Variants in UMOD observed in about 807,000 individuals in gnomAD.
The protein encoded by UMOD is uromodulin.
In UMOD, 64 loss-of-function variants were observed where a neutral mutation model predicts 66.0. The observed-to-expected ratio is 0.97, with a 90% CI of 0.79 to 1.19. The LOEUF (loss-of-function observed/expected upper bound fraction) is 1.19. Ranked by LOEUF, UMOD falls within the 50% of genes most tolerant of loss-of-function variation. The pLI, the probability that UMOD is intolerant of heterozygous loss-of-function variation, is 0.00. For synonymous variants in UMOD, 398 were observed against 352.7 expected (o/e 1.13, Z -1.44); for missense variants, 764 against 850.9 (o/e 0.90, Z 1.27).
chr16:20,341,687 C>T (rs755432085), intron 6 of UMOD, among the ~76,000 whole-genome samples: 1 of 151,734 alleles, frequency 6.6e-6, no homozygotes, highest in Non-Finnish European at 1.5e-5. Context: ...TTTGCTACCC[C>T]TGTAGCTTTC....
chr16:20,339,738 T>C (rs1451699036), intron 7 of UMOD, among the ~76,000 whole-genome samples: 2 of 152,250 alleles, frequency 1.3e-5, no homozygotes, highest in Admixed American at 6.5e-5. Flanking sequence ...TAACATACTA[T>C]ATATTTCACT....
chr16:20,348,299 C>A lies in UMOD; in HGVS notation c.897G>T (p.Glu299Asp), dbSNP rs768815891. 6.2e-7 allele frequency: 1 copy of A among 1,614,128 alleles called. No homozygotes were observed. The highest frequency in any genetic ancestry group is 8.5e-7 in the Non-Finnish European group (1 of 1,180,050). ...DPSSVEGTCE[E>D]CSIDEDCKSN... ...ATTTGCAGTCCTCGTCTATACTGCA[C>A]TCCTCACACGTCCCCTCCACGGAGC... The change falls in exon 4 of 11, where the codon GAG (glutamate) becomes GAT (aspartate). Residue 299 changes from glutamate (E) to aspartate (D), a missense_variant. Transcript: ENST00000396138.
intron 1 of UMOD, chr16:20,351,049 A>G (rs894477291): frequency 3.8e-5 from 16 of 418,156 alleles, no homozygotes; most frequent in East Asian, 1.6e-4. Context: ...TGGCTCCCCA[A>G]TTCTCAGCAC....
chr16:20,336,541 T>C, intron 9 of UMOD, 105 bp downstream of exon 9: 1 of 1,086,514 alleles, frequency 9.2e-7, no homozygotes. Flanking sequence ...TGCTCCCAGT[T>C]CTTCAGAGCT....
chr16:20,349,012 C>T lies in UMOD; in HGVS notation c.289G>A (p.Gly97Ser), dbSNP rs774170447. The T allele has an allele frequency of 1.9e-6, 3 of 1,585,440 alleles. No individual in the cohort carries two copies. The South Asian group carries it at 3.4e-5, about 18-fold the overall frequency. Residue 97 changes from glycine (G) to serine (S), a missense_variant, in exon 3 of 11, where the codon GGC becomes AGC. Coordinates refer to ENST00000396138, the MANE Select transcript of UMOD (RefSeq NM_003361.4). Reference sequence around the variant, plus strand: ...CCGAGACCGGGCGACAGGCGGAAGCCTTCGGGGCAGACGCAGGAGAAGGAG... The same window carrying T: ...CCGAGACCGGGCGACAGGCGGAAGCTTTCGGGGCAGACGCAGGAGAAGGAG... ...PGSFSCVCPEGFRLSPGLGCT... is the reference protein window; with the variant it reads ...PGSFSCVCPESFRLSPGLGCT...
upstream of UMOD, among the ~76,000 whole-genome samples, chr16:20,353,545 T>C (rs1318292230): frequency 6.6e-6 from 1 of 152,214 alleles, no homozygotes; most frequent in Non-Finnish European, 1.5e-5. Context: ...GTAATGATTA[T>C]ATTCATGGAA....
At chr16:20,343,129 C>CAATAAATAAATAAATAAATA (rs147846395) in intron 6 of UMOD, among the ~76,000 whole-genome samples, 40 of 115,916 alleles carry the variant, frequency 3.5e-4, no homozygotes, top group African/African-American at 5.7e-4. Flanking sequence ...GACTCCGTCT[C>CAATAAATAAATAAATAAATA]AATAAATAAA....
At chr16:20,346,383 C>G in intron 4 of UMOD, 49 bp from the exon 5 acceptor site, 1 of 1,594,272 alleles carries the variant, frequency 6.3e-7, no homozygotes, top group South Asian at 1.1e-5. Flanking sequence ...AGCTTGGGGG[C>G]CCAGCACATC....
rs1363824647 is a variant in UMOD, at chr16:20,346,278, G to C, written c.1030C>G (p.Leu344Val). The C allele has an allele frequency of 6.2e-7, 1 of 1,614,274 alleles. No individual in the cohort carries two copies. The highest frequency in any genetic ancestry group is 8.5e-7 in the Non-Finnish European group (1 of 1,180,056). The change falls in exon 5 of 11, where the codon CTG (leucine) becomes GTG (valine). Residue 344 changes from leucine (L) to valine (V), a missense_variant. Transcript: ENST00000396138. The part of the protein sequence containing the change: ...ECGANDMKVS[L>V]GKCQLKSLGF... ...AGACTCTTCAGCTGGCACTTGCCCA[G>C]CGACACCTTCATGTCATTGGCCCCA...
chr16:20,347,815 A>G (rs1288632725), intron 4 of UMOD, among the ~76,000 whole-genome samples: 1 of 152,198 alleles, frequency 6.6e-6, no homozygotes, highest in East Asian at 1.9e-4. Flanking sequence ...GGCCCGGAGT[A>G]CTGAGCTGAT....
chr16:20,344,089 G>A lies in UMOD; in HGVS notation c.1266C>T (p.Asn422=), dbSNP rs1334579001. Residue 422 remains asparagine, a synonymous_variant, in exon 6 of 11, where the codon AAC becomes AAT. Transcript: ENST00000396138. ...IIIRDLNIKI[N]FACSYPLDMK... ...TGTCCAGGGGGTAGGAGCATGCAAA[G>A]TTGATTTTGATGTTGAGGTCACGGA... The A allele has an allele frequency of 1.3e-6, 2 of 1,586,824 alleles. No individual in the cohort carries two copies. Among genetic ancestry groups the A allele is most frequent in the African/African-American group, 1.4e-5 (1 of 73,906 alleles).
At chr16:20,344,204 G>T in intron 5 of UMOD, 32 bp from the exon 6 acceptor site, 1 of 1,548,410 alleles carries the variant, frequency 6.5e-7, no homozygotes, top group South Asian at 1.1e-5. Context: ...GAGGGGGGGT[G>T]GGGATGAGAG....
intron 7 of UMOD, among the ~76,000 whole-genome samples, chr16:20,340,194 C>T (rs1247220243): frequency 6.6e-6 from 1 of 151,978 alleles, no homozygotes; most frequent in African/African-American, 2.4e-5. Flanking sequence ...TAAATTGAAG[C>T]ACCATTCTCA....
chr16:20,342,485 A>G (rs539877001), intron 6 of UMOD: 3 of 152,410 alleles, frequency 2.0e-5, no homozygotes, highest in Admixed American at 6.5e-5. Context: ...ACAGCTTGCA[A>G]TGAGCACTCT....
chr16:20,340,713 A>G (rs1445097338), intron 7 of UMOD, among the ~76,000 whole-genome samples: 1 of 151,892 alleles, frequency 6.6e-6, no homozygotes, highest in Non-Finnish European at 1.5e-5. Context: ...GCAATTTTTC[A>G]GCCAGGCGTG....
chr16:20,348,871 C>A lies in UMOD; in HGVS notation c.430G>T (p.Asp144Tyr). The change falls in exon 3 of 11, where the codon GAT becomes TAT. Residue 144 changes from aspartate to tyrosine, a missense_variant. By Grantham distance (160) the Asp-to-Tyr change is radical. Transcript: ENST00000396138. ...GGGGAGCACTCACAGTGCCATCCAT[C>A]CCCCCGGTAGCCCGCGGGGCATACG... Reference protein sequence around the residue: ...LCVCPAGYRGDGWHCECSPGS... With the variant: ...LCVCPAGYRGYGWHCECSPGS... The A allele has an allele frequency of 6.5e-7, 1 of 1,549,588 alleles. No homozygotes were observed. Among genetic ancestry groups the A allele is most frequent in the Non-Finnish European group, 8.7e-7 (1 of 1,147,672 alleles).
At chr16:20,338,867 C>A (rs1965026065) in intron 7 of UMOD, among the ~76,000 whole-genome samples, 1 of 152,220 alleles carries the variant, frequency 6.6e-6, no homozygotes, top group Non-Finnish European at 1.5e-5. Context: ...TCAAGCAATT[C>A]TCCTGCCTCA....
At chr16:20,349,362 A>G (rs1965776440) in intron 2 of UMOD, 150 bp from the exon 3 acceptor site, 1 of 868,416 alleles carries the variant, frequency 1.2e-6, no homozygotes, top group Non-Finnish European at 1.8e-6. Context: ...CAAAGAAACA[A>G]AACTCCTCTG....
chr16:20,346,197 C>T lies in UMOD; in HGVS notation c.1111G>A (p.Asp371Asn), dbSNP rs1965575998. The T allele has an allele frequency of 1.2e-6, 2 of 1,614,244 alleles. No individual in the cohort carries two copies. The highest frequency in any genetic ancestry group is 1.7e-6 in the Non-Finnish European group (2 of 1,180,046). The change falls in exon 5 of 11, where the codon GAC (aspartate) becomes AAC (asparagine). Residue 371 changes from aspartate to asparagine, a missense_variant. Coordinates refer to ENST00000396138, the MANE Select transcript of UMOD (RefSeq NM_003361.4). ...GACACCCAGTCCCGGTTGTCTCTGT[C>T]ATTGAAGCCCGAGCACCGGCTGTCA... ...LSDSRCSGFNDRDNRDWVSVV... is the reference protein window; with the variant it reads ...LSDSRCSGFNNRDNRDWVSVV...
Sources: gnomAD v4.1 joint callset for allele counts (sites outside exome capture counted in the v4.1 genomes callset) on GRCh38, gnomAD v4.1.1 for gene constraint, MANE v1.5 for transcripts, NCBI Gene and HGNC (gene_info 2026-07-23, HGNC 2026-07-21) for gene names.